MTCL2: variants seen among roughly 807,000 people sequenced by gnomAD.
MTCL2 encodes the protein microtubule cross-linking factor 2.
At chr20:36,849,989 C>G in the MTCL2 span, among the ~76,000 whole-genome samples, 4 of 152,172 alleles carry the variant, frequency 2.6e-5, no homozygotes, top group East Asian at 1.9e-4. Flanking sequence ...AAGGCAGGAG[C>G]AGGTTGCCTC....
the MTCL2 span, chr20:36,793,159 C>G: frequency 7.1e-7 from 1 of 1,416,120 alleles, no homozygotes; most frequent in Non-Finnish European, 9.3e-7. This position sits in a 1 kb window ranked among gnomAD's most constrained non-coding sequence, Gnocchi z 6.8. Flanking sequence ...CCCACCTCGG[C>G]CCATATCTCT....
the MTCL2 span, chr20:36,804,616 T>C: frequency 5.1e-6 from 7 of 1,363,214 alleles, no homozygotes; most frequent in Non-Finnish European, 7.1e-6. Flanking sequence ...GGGCCACAGG[T>C]GAAGCAACGG....
At chr20:36,815,296 G>A in the MTCL2 span, 3 of 1,613,928 alleles carry the variant, frequency 1.9e-6, no homozygotes, top group Admixed American at 1.7e-5. The surrounding 1 kb of genome is among the most constrained non-coding windows in gnomAD (Gnocchi z 5.3). Flanking sequence ...ACGCTCAGGC[G>A]CACCAGGATG....
the MTCL2 span, chr20:36,839,295 G>A: frequency 7.9e-5 from 127 of 1,612,322 alleles, 2 homozygotes; most frequent in South Asian, 1.1e-3. The surrounding 1 kb of genome is among the most constrained non-coding windows in gnomAD (Gnocchi z 5.1). Flanking sequence ...TGCGGCGCTC[G>A]GCTTTGCGCA....
At chr20:36,816,243 T>C in the MTCL2 span, 3 of 1,612,062 alleles carry the variant, frequency 1.9e-6, no homozygotes, top group Non-Finnish European at 8.5e-7. Context: ...AGTGAGCTTC[T>C]TGCACATGAG....
the MTCL2 span, chr20:36,783,622 A>G: frequency 4.2e-6 from 1 of 240,644 alleles, no homozygotes; most frequent in Non-Finnish European, 6.7e-6. Flanking sequence ...GCAGAGAGGC[A>G]GGAGGAAGGG....
the MTCL2 span, among the ~76,000 whole-genome samples, chr20:36,822,865 CT>C: frequency 6.6e-6 from 1 of 151,714 alleles, no homozygotes; most frequent in Non-Finnish European, 1.5e-5. Context: ...TCAAGCAATT[CT>C]CATGCCTCAG....
At chr20:36,779,911 A>G in the MTCL2 span, 1 of 152,384 alleles carries the variant, frequency 6.6e-6, no homozygotes, top group East Asian at 1.9e-4. Flanking sequence ...GGCAGGAACC[A>G]GCCAAGGAGA....
the MTCL2 span, chr20:36,794,516 T>C: frequency 6.2e-7 from 1 of 1,613,924 alleles, no homozygotes; most frequent in Non-Finnish European, 8.5e-7. The surrounding 1 kb of genome is among the most constrained non-coding windows in gnomAD (Gnocchi z 5.4). Flanking sequence ...AGGCAGCTTC[T>C]TGCCCCGGGC....
chr20:36,781,446 G>A, the MTCL2 span: 2 of 152,086 alleles, frequency 1.3e-5, no homozygotes, highest in African/African-American at 4.8e-5. Context: ...TGAGGCAGGA[G>A]AACTGCTTGA....
chr20:36,863,176 C>A, the MTCL2 span: 2 of 1,312,156 alleles, frequency 1.5e-6, no homozygotes, highest in Non-Finnish European at 1.9e-6. This position sits in a 1 kb window ranked among gnomAD's most constrained non-coding sequence, Gnocchi z 6.2. Context: ...ACTGCTGAGC[C>A]CGGGCCTGGG....
chr20:36,826,100 G>A, the MTCL2 span, among the ~76,000 whole-genome samples: 2 of 151,812 alleles, frequency 1.3e-5, no homozygotes, highest in South Asian at 2.1e-4. Context: ...TTCACCTCCG[G>A]GGTTCATGCC....
chr20:36,855,205 C>T, the MTCL2 span, among the ~76,000 whole-genome samples: 1 of 152,222 alleles, frequency 6.6e-6, no homozygotes, highest in Admixed American at 6.5e-5. Context: ...TTACGGAACC[C>T]TCACGGCAAC....
chr20:36,784,989 G>A, the MTCL2 span: 1 of 985,404 alleles, frequency 1.0e-6, no homozygotes, highest in Non-Finnish European at 1.2e-6. Context: ...GACTCATGAA[G>A]AAAGGTGTCA....
the MTCL2 span, chr20:36,777,858 A>G: frequency 1.1e-5 from 7 of 625,128 alleles, no homozygotes; most frequent in African/African-American, 1.2e-4. Context: ...TGGGGGTTGG[A>G]GCTGTTTTTT....
At chr20:36,848,399 C>G in the MTCL2 span, among the ~76,000 whole-genome samples, 2 of 152,330 alleles carry the variant, frequency 1.3e-5, no homozygotes, top group African/African-American at 4.8e-5. Flanking sequence ...GAGAATTGTC[C>G]AGGAAGAGCC....
the MTCL2 span, chr20:36,815,304 A>T: frequency 6.2e-7 from 1 of 1,613,906 alleles, no homozygotes; most frequent in Non-Finnish European, 8.5e-7. The surrounding 1 kb of genome is among the most constrained non-coding windows in gnomAD (Gnocchi z 5.3). Context: ...GCGCACCAGG[A>T]TGGCATGGAT....
At chr20:36,801,355 G>C in the MTCL2 span, among the ~76,000 whole-genome samples, 2 of 151,938 alleles carry the variant, frequency 1.3e-5, no homozygotes, top group African/African-American at 4.8e-5. Flanking sequence ...CAGCTCTCCA[G>C]GAAAGACACA....
chr20:36,813,352 G>A, the MTCL2 span, among the ~76,000 whole-genome samples: 1 of 121,238 alleles, frequency 8.2e-6, no homozygotes, highest in Non-Finnish European at 1.7e-5. Flanking sequence ...CAATGTGCTT[G>A]CTTAAAAAAG....
Sources: allele counts gnomAD v4.1 joint callset (sites outside exome capture counted in the v4.1 genomes callset), GRCh38; gene constraint gnomAD v4.1.1; non-coding constraint Gnocchi (gnomAD v3.1); transcripts MANE v1.5; gene names NCBI Gene and HGNC (gene_info 2026-07-23, HGNC 2026-07-21).